TBCD: variants seen among roughly 807,000 people sequenced by gnomAD.
The protein encoded by TBCD is tubulin-specific chaperone D.
TBCD carries 105 observed loss-of-function variants against 169.3 expected under a neutral mutation model. The observed-to-expected ratio is 0.62, with a 90% CI of 0.53 to 0.73. The LOEUF is 0.73. Among genes scored for constraint, TBCD ranks in the 30% least tolerant of loss-of-function variants. TBCD has a pLI of 0.00. For missense variants in TBCD, 1,444 were observed against 1,600.1 expected (o/e 0.90, Z 1.66); for synonymous variants, 700 against 643.9 (o/e 1.09, Z -1.32).
intron 6 of TBCD, among the ~76,000 whole-genome samples, chr17:82,776,508 T>TA: frequency 6.6e-6 from 1 of 152,250 alleles, no homozygotes; most frequent in Middle Eastern, 3.2e-3. Context: ...TTTGCACCGT[T>TA]ATGACTTTTA....
chr17:82,783,324 T>G (rs1305170715), intron 7 of TBCD, among the ~76,000 whole-genome samples: 1 of 152,212 alleles, frequency 6.6e-6, no homozygotes, highest in East Asian at 1.9e-4. Flanking sequence ...AGGCGTCCCC[T>G]CAACCTCCAC....
intron 21 of TBCD, among the ~76,000 whole-genome samples, chr17:82,908,956 T>TA (rs1268661654): frequency 6.6e-6 from 1 of 152,260 alleles, no homozygotes. Context: ...TTGGCACAGT[T>TA]ACTTTTCTGC....
At chr17:82,830,957 C>G (rs1337207718) in intron 13 of TBCD, 5 of 1,613,288 alleles carry the variant, frequency 3.1e-6, no homozygotes, top group Admixed American at 1.7e-5. Context: ...AAGTATAAGC[C>G]TGGCTCATGG....
chr17:82,940,982 A>T (rs1461176218), intron 37 of TBCD, among the ~76,000 whole-genome samples: 2 of 152,048 alleles, frequency 1.3e-5, no homozygotes, highest in African/African-American at 4.8e-5. Flanking sequence ...CTTAGAATTT[A>T]AAGAGAATAT....
At chr17:82,778,635 C>CTT (rs766675944) in intron 6 of TBCD, among the ~76,000 whole-genome samples, 412 of 143,460 alleles carry the variant, frequency 2.9e-3, no homozygotes, top group Non-Finnish European at 3.9e-3. Context: ...ATTTCTTTTT[C>CTT]TTTTTTTTTT....
chr17:82,856,061 C>T (rs1286642076), intron 13 of TBCD, among the ~76,000 whole-genome samples: 1 of 117,248 alleles, frequency 8.5e-6, no homozygotes, highest in East Asian at 2.8e-4. Flanking sequence ...TGGTCTTGAA[C>T]TCCTGGCCTC....
At chr17:82,801,847 G>C (rs9898535) in intron 9 of TBCD, among the ~76,000 whole-genome samples, 2,780 of 143,934 alleles carry the variant, frequency 0.019, 78 homozygotes, top group African/African-American at 0.069. Context: ...GTGTGGTTCG[G>C]AGTCAGCGTG....
intron 35 of TBCD, 126 bp downstream of exon 35, chr17:82,937,486 A>G: frequency 1.2e-6 from 1 of 823,460 alleles, no homozygotes; most frequent in Non-Finnish European, 1.9e-6. Context: ...CTAACCTAAG[A>G]TCGTGCATTC....
intron 13 of TBCD, among the ~76,000 whole-genome samples, chr17:82,836,701 AAAC>A (rs988499590): frequency 4.0e-5 from 6 of 148,598 alleles, no homozygotes; most frequent in Admixed American, 6.6e-5. Context: ...AAAAAAAACA[AAAC>A]AAAACAAAAC....
At chr17:82,763,734 C>T (rs554932613) in intron 2 of TBCD, among the ~76,000 whole-genome samples, 117 of 151,870 alleles carry the variant, frequency 7.7e-4, no homozygotes, top group Non-Finnish European at 7.9e-4. Context: ...GAGCAAGACT[C>T]TGTCTCAAAA....
At chr17:82,787,180 A>G (rs1429731010) in intron 7 of TBCD, among the ~76,000 whole-genome samples, 1 of 152,196 alleles carries the variant, frequency 6.6e-6, no homozygotes, top group African/African-American at 2.4e-5. Context: ...ATATGCTGGC[A>G]AAGAGTGAGG....
At chr17:82,771,423 GTT>G (rs879433375) in intron 5 of TBCD, among the ~76,000 whole-genome samples, 1 of 145,038 alleles carries the variant, frequency 6.9e-6, no homozygotes, top group African/African-American at 2.5e-5. Context: ...GCTGCAGTGA[GTT>G]TTTTTTTTTT....
chr17:82,800,615 C>A (rs1055675909), intron 8 of TBCD, among the ~76,000 whole-genome samples: 3 of 152,248 alleles, frequency 2.0e-5, no homozygotes, highest in African/African-American at 7.2e-5. Context: ...GTGCTGCCCC[C>A]CTTCAGATTG....
intron 13 of TBCD, among the ~76,000 whole-genome samples, chr17:82,857,436 T>G (rs918797905): frequency 2.0e-5 from 3 of 152,206 alleles, no homozygotes; most frequent in East Asian, 1.9e-4. Flanking sequence ...TGATAATGTC[T>G]TTGTATTGTG....
At chr17:82,908,900 G>A (rs940204434) in intron 21 of TBCD, among the ~76,000 whole-genome samples, 2 of 152,258 alleles carry the variant, frequency 1.3e-5, no homozygotes, top group Non-Finnish European at 1.5e-5. Flanking sequence ...CCATCACAAC[G>A]TGGCTTTTAA....
At chr17:82,753,868 GTTT>G (rs57196730) in intron 1 of TBCD, among the ~76,000 whole-genome samples, 2 of 125,278 alleles carry the variant, frequency 1.6e-5, no homozygotes, top group African/African-American at 3.1e-5. Context: ...TAGACTAGAG[GTTT>G]TTTTTTTTTT....
At chr17:82,810,798 C>G (rs936409896) in intron 12 of TBCD, among the ~76,000 whole-genome samples, 1 of 152,242 alleles carries the variant, frequency 6.6e-6, no homozygotes, top group South Asian at 2.1e-4. Flanking sequence ...GTGCTGTCAG[C>G]ACTTTGGAGG....
At chr17:82,763,425 GTTTGTT>G (rs2047867667) in intron 2 of TBCD, among the ~76,000 whole-genome samples, 1 of 152,068 alleles carries the variant, frequency 6.6e-6, no homozygotes, top group South Asian at 2.1e-4. Flanking sequence ...ATGTCTTTTT[GTTTGTT>G]TTTGTTTTTT....
rs1162914897 is a variant in TBCD, at chr17:82,923,879, G to A, written c.2260+146G>A. On this transcript the variant is annotated intron_variant, in intron 26 of 38. Transcript: ENST00000355528. The surrounding 1 kb of genome is among the most constrained non-coding windows in gnomAD (Gnocchi z 4.6). ...TGGAGTGGGACTGTTCGGGTCTCAG[G>A]TTCCCAGCCGAGGAGCTGTGGGCAG... The A allele has an allele frequency of 1.1e-5, 7 of 666,396 alleles. No homozygotes were observed. The highest frequency in any genetic ancestry group is 1.8e-5 in the African/African-American group (1 of 54,548). 41.3% of individuals were successfully genotyped at this position (666,396 alleles called of 1,614,324 possible).
Sources: gnomAD v4.1 joint callset for allele counts (sites outside exome capture counted in the v4.1 genomes callset) on GRCh38, gnomAD v4.1.1 for gene constraint, Gnocchi (gnomAD v3.1) non-coding constraint, MANE v1.5 for transcripts, NCBI Gene and HGNC (gene_info 2026-07-23, HGNC 2026-07-21) for gene names.